Variants in KDM3B observed in about 807,000 individuals in gnomAD.
KDM3B encodes the protein lysine demethylase 3B.
KDM3B carries 10 observed loss-of-function variants against 170.0 expected under a neutral mutation model. The ratio of observed to expected loss-of-function variants is 0.06; its 90% confidence interval spans 0.04 to 0.10. The LOEUF (loss-of-function observed/expected upper bound fraction) is 0.10. KDM3B is among the 10% of genes least tolerant of loss of function. The pLI is 1.00. For synonymous variants in KDM3B, 831 were observed against 834.8 expected, an observed-to-expected ratio of 1.00 and a Z score of 0.08; for missense variants, 1,394 against 2,195.2, an observed-to-expected ratio of 0.64 and a Z score of 7.29.
intron 21 of KDM3B, 67 bp from the exon 22 acceptor site, chr5:138,430,179 TGCA>T: frequency 2.0e-6 from 3 of 1,538,306 alleles, no homozygotes; most frequent in Non-Finnish European, 1.8e-6. Flanking sequence ...AGGACATTGC[TGCA>T]GCAAGTTGGA....
chr5:138,373,318 G>A (rs928193407), intron 2 of KDM3B, among the ~76,000 whole-genome samples: 8 of 152,006 alleles, frequency 5.3e-5, no homozygotes, highest in African/African-American at 9.7e-5. Context: ...CAGCCTGGGG[G>A]ACAGAGTGAG....
chr5:138,362,210 G>A (rs1397416706), intron 1 of KDM3B, among the ~76,000 whole-genome samples: 3 of 151,754 alleles, frequency 2.0e-5, no homozygotes, highest in Admixed American at 2.0e-4. Context: ...CCTGCTACTC[G>A]GGAGGCTGAG....
intron 10 of KDM3B, among the ~76,000 whole-genome samples, chr5:138,398,887 CTTT>C (rs537795731): frequency 6.7e-5 from 8 of 120,156 alleles, no homozygotes; most frequent in Admixed American, 1.9e-4. Context: ...TCCTAAATTT[CTTT>C]TTTTTTTTTT....
chr5:138,384,405 G>A (rs1762203497), intron 6 of KDM3B, among the ~76,000 whole-genome samples: 1 of 151,884 alleles, frequency 6.6e-6, no homozygotes, highest in Admixed American at 6.6e-5. Context: ...TTCGAGACCA[G>A]CCTGGCCAAC....
rs539808799 is a variant in KDM3B at position 138,404,776 on chromosome 5, T to C, written c.3199+4764T>C. ...AGTCTGACTGTCTCCCAGGCTGAAG[T>C]GCAGGGGTGTGATCTCTGCTCACTA... On this transcript the variant is annotated intron_variant, in intron 11 of 23. Transcript: ENST00000314358. Among the ~76,000 whole-genome samples, 8 of 152,284 alleles carry C rather than the reference T, an allele frequency of 5.3e-5. No homozygotes were observed. In the South Asian group the frequency reaches 1.2e-3, roughly 24 times the overall value.
intron 11 of KDM3B, among the ~76,000 whole-genome samples, chr5:138,408,389 TAAAA>T (rs769091269): frequency 7.4e-6 from 1 of 135,530 alleles, no homozygotes; most frequent in African/African-American, 2.7e-5. Flanking sequence ...CTACACTCCT[TAAAA>T]AAAAAAAAAA....
intron 12 of KDM3B, 59 bp from the exon 13 acceptor site, chr5:138,417,424 C>G: frequency 6.5e-7 from 1 of 1,537,092 alleles, no homozygotes; most frequent in Non-Finnish European, 9.0e-7. Context: ...ACTCTTAGCA[C>G]AATATGTGGC....
chr5:138,420,981 T>C lies in KDM3B; in HGVS notation c.3972+19T>C. On this transcript the variant is annotated intron_variant, in intron 15 of 23. Transcript: ENST00000314358. The stretch of plus-strand genomic sequence containing the variant: ...CTCAGCAGTAAGTGTCCTCTGCAAC[T>C]GTAGCCTTTTCAGCTTTTCCATGAA... 6.2e-7 allele frequency: 1 copy of C among 1,612,750 alleles called. No homozygotes were observed. The highest frequency in any genetic ancestry group is 8.5e-7 in the Non-Finnish European group (1 of 1,178,950).
intron 21 of KDM3B, 105 bp downstream of exon 21, chr5:138,430,070 T>C (rs2269948): frequency 0.6 from 866,697 of 1,444,642 alleles, 263,885 homozygotes; most frequent in East Asian, 0.86. Context: ...CATTAAAGAC[T>C]TGTTGGCCAT....
chr5:138,359,522 G>C (rs1761545927), intron 1 of KDM3B, among the ~76,000 whole-genome samples: 1 of 141,978 alleles, frequency 7.0e-6, no homozygotes, highest in Admixed American at 7.5e-5. Context: ...GCCCAGGCTG[G>C]TTTCAAACCC....
chr5:138,355,607 G>A (rs1201724756), intron 1 of KDM3B, among the ~76,000 whole-genome samples: 2 of 152,190 alleles, frequency 1.3e-5, no homozygotes, highest in Non-Finnish European at 2.9e-5. Context: ...TTTTATTTGT[G>A]TTTTAAAATG....
At chr5:138,420,519 C>T (rs1201288263) in intron 14 of KDM3B, among the ~76,000 whole-genome samples, 187 bp from the exon 15 acceptor site, 1 of 152,142 alleles carries the variant, frequency 6.6e-6, no homozygotes, top group African/African-American at 2.4e-5. Flanking sequence ...AGAGTTTCTC[C>T]TTGGCTGTGA....
At chr5:138,410,553 C>T (rs963279251) in intron 11 of KDM3B, among the ~76,000 whole-genome samples, 6 of 152,068 alleles carry the variant, frequency 3.9e-5, no homozygotes, top group South Asian at 2.1e-4. Context: ...TCCCCGTGTG[C>T]GGCGACAAGA....
chr5:138,360,705 G>A (rs1761586060), intron 1 of KDM3B, among the ~76,000 whole-genome samples: 1 of 151,630 alleles, frequency 6.6e-6, no homozygotes, highest in Non-Finnish European at 1.5e-5. Flanking sequence ...TTGAGTAGCT[G>A]GGATTACAGG....
chr5:138,360,735 G>A (rs762804772), intron 1 of KDM3B, among the ~76,000 whole-genome samples: 10 of 151,942 alleles, frequency 6.6e-5, no homozygotes, highest in Non-Finnish European at 1.2e-4. Context: ...CGGATTACAG[G>A]TGCCTGCCAC....
At chr5:138,409,008 G>A (rs1762895558) in intron 11 of KDM3B, among the ~76,000 whole-genome samples, 1 of 152,108 alleles carries the variant, frequency 6.6e-6, no homozygotes, top group South Asian at 2.1e-4. Context: ...ACAAAACAAA[G>A]TCTGAAAAGG....
At chr5:138,404,841 A>G (rs1397458553) in intron 11 of KDM3B, among the ~76,000 whole-genome samples, 1 of 151,784 alleles carries the variant, frequency 6.6e-6, no homozygotes, top group East Asian at 2.0e-4. Context: ...CTCCTGCCTC[A>G]GCCCCTTCAA....
At chr5:138,367,613 G>A (rs1192870964) in intron 1 of KDM3B, among the ~76,000 whole-genome samples, 1 of 152,052 alleles carries the variant, frequency 6.6e-6, no homozygotes, top group African/African-American at 2.4e-5. Flanking sequence ...GGTCCTAATC[G>A]AAGCATGTGT....
chr5:138,352,975 C>A lies in KDM3B; in HGVS notation c.180C>A (p.Pro60=), dbSNP rs776153800. 8.0e-7 allele frequency: 1 copy of A among 1,246,186 alleles called. No homozygotes were observed. Among genetic ancestry groups the A allele is most frequent in the South Asian group, 3.3e-5 (1 of 30,580 alleles). The allele number at this position is 1,246,186 out of a possible 1,614,324, so 77.2% of individuals were successfully genotyped here. A position where few individuals can be genotyped will look rare whatever the true frequency, so the allele number is the denominator to read the frequency against. Residue 60 remains proline, a synonymous_variant, in exon 1 of 24, where the codon CCC becomes CCA. Transcript: ENST00000314358. ...GTVRAMSGAV[P]QDLAIFVEFD... is the part of the protein sequence containing the mutation. ...TGCGGGCCATGAGCGGGGCGGTGCC[C>A]CAGGACCTAGCGGTGAGTGGCGGCC...
Sources: allele counts gnomAD v4.1 joint callset (sites outside exome capture counted in the v4.1 genomes callset), GRCh38; gene constraint gnomAD v4.1.1; transcripts MANE v1.5; gene names NCBI Gene and HGNC (gene_info 2026-07-23, HGNC 2026-07-21).